The following PLD1 variants were observed in gnomAD, a reference collection of about 807,000 sequenced individuals.
The protein encoded by PLD1 is phospholipase D1.
PLD1 carries 112 observed loss-of-function variants against 137.1 expected under a neutral mutation model. The ratio of observed to expected loss-of-function variants is 0.82; its 90% CI spans 0.70 to 0.96. The LOEUF (loss-of-function observed/expected upper bound fraction) is 0.96, where lower values mean the gene tolerates loss of function less well. PLD1 is among the 40% of genes least tolerant of loss of function. The pLI is 0.00. For missense variants in PLD1, 1,321 were observed against 1,342.0 expected, an observed-to-expected ratio of 0.98 and a Z score of 0.24; for synonymous variants, 431 against 454.7, an observed-to-expected ratio of 0.95 and a Z score of 0.66.
chr3:171,753,426 C>T (rs997768724), intron 1 of PLD1, among the ~76,000 whole-genome samples: 3 of 152,224 alleles, frequency 2.0e-5, no homozygotes, highest in African/African-American at 7.2e-5. Context: ...ACCTTGCTTT[C>T]CAGTGCAGCC....
intron 1 of PLD1, among the ~76,000 whole-genome samples, chr3:171,778,271 G>A (rs759265191): frequency 1.3e-5 from 2 of 152,128 alleles, no homozygotes; most frequent in African/African-American, 2.4e-5. Flanking sequence ...CATTCAACAC[G>A]TACTTAGTGA....
At position 171,633,968 on chromosome 3, in the gene PLD1, C is replaced by T. The variant is rs564725219; in HGVS notation, c.2593+8872G>A. On this transcript the variant is annotated intron_variant, in intron 23 of 26. Transcript: ENST00000351298. ...TATTCATAGCAGCAGTTTTGTTATTCTAAATAATTAAAACAGTAGAGAACT... is the reference window on the plus strand; with the variant it reads ...TATTCATAGCAGCAGTTTTGTTATTTTAAATAATTAAAACAGTAGAGAACT... Among the ~76,000 whole-genome samples the T allele has an allele frequency of 7.2e-5, 11 of 152,164 alleles. No individual in the cohort carries two copies. In the East Asian group the frequency reaches 2.1e-3, roughly 29 times the overall value.
chr3:171,718,711 C>T (rs1167016433), intron 8 of PLD1, among the ~76,000 whole-genome samples: 2 of 152,112 alleles, frequency 1.3e-5, no homozygotes, highest in East Asian at 3.9e-4. Context: ...TTCCACCTGC[C>T]ACTCACTGCT....
intron 21 of PLD1, among the ~76,000 whole-genome samples, chr3:171,647,631 T>A (rs900995593): frequency 6.6e-6 from 1 of 152,022 alleles, no homozygotes. Flanking sequence ...GTACTTTTAG[T>A]AGAGACGGGG....
intron 24 of PLD1, among the ~76,000 whole-genome samples, chr3:171,614,142 C>A (rs1732900008): frequency 6.6e-6 from 1 of 152,132 alleles, no homozygotes; most frequent in Non-Finnish European, 1.5e-5. Context: ...TCTATGATGA[C>A]TATGGATGTG....
chr3:171,772,649 C>T (rs2108332534), intron 1 of PLD1, among the ~76,000 whole-genome samples: 1 of 152,260 alleles, frequency 6.6e-6, no homozygotes, highest in Non-Finnish European at 1.5e-5. Context: ...ACCCCACCTG[C>T]TGGCAAAACC....
chr3:171,764,999 A>G (rs1019082810), intron 1 of PLD1: 2 of 143,602 alleles, frequency 1.4e-5, no homozygotes, highest in African/African-American at 2.6e-5. Context: ...AGAAAGAAAG[A>G]AAGAAAGAGA....
At chr3:171,687,694 T>A (rs544041869) in intron 14 of PLD1, 110 bp from the exon 15 acceptor site, 2 of 695,402 alleles carry the variant, frequency 2.9e-6, no homozygotes, top group African/African-American at 3.6e-5. Flanking sequence ...GGAGGTTCTA[T>A]AACAGACATG....
At chr3:171,752,280 G>A (rs1720719349) in intron 1 of PLD1, among the ~76,000 whole-genome samples, 1 of 152,208 alleles carries the variant, frequency 6.6e-6, no homozygotes, top group Non-Finnish European at 1.5e-5. Flanking sequence ...TTGAGGAAAT[G>A]ATACACAATA....
intron 1 of PLD1, among the ~76,000 whole-genome samples, chr3:171,744,188 A>T (rs1719973578): frequency 6.6e-6 from 1 of 152,224 alleles, no homozygotes; most frequent in Non-Finnish European, 1.5e-5. Context: ...CATGAGGAGT[A>T]CTGTCATCAT....
chr3:171,780,176 G>C (rs1480450464), intron 1 of PLD1, among the ~76,000 whole-genome samples: 1 of 134,922 alleles, frequency 7.4e-6, no homozygotes, highest in Non-Finnish European at 1.5e-5. Flanking sequence ...ATATTAATCT[G>C]AGGACTGGGG....
intron 24 of PLD1, among the ~76,000 whole-genome samples, chr3:171,617,955 T>C (rs529544550): frequency 8.6e-4 from 131 of 152,244 alleles, no homozygotes; most frequent in Middle Eastern, 3.4e-3. Context: ...CTCTGAGAAT[T>C]TTAAACACTG....
At chr3:171,790,812 C>A (rs562001334) in intron 1 of PLD1, among the ~76,000 whole-genome samples, 1 of 152,322 alleles carries the variant, frequency 6.6e-6, no homozygotes, top group Admixed American at 6.5e-5. Flanking sequence ...CAGCTCCCAA[C>A]GGACTACTTC....
intron 1 of PLD1, among the ~76,000 whole-genome samples, chr3:171,777,431 T>C (rs552573229): frequency 1.2e-4 from 19 of 152,328 alleles, no homozygotes; most frequent in Middle Eastern, 3.4e-3. Flanking sequence ...GAACAAGCCC[T>C]TGATGATTTA....
At chr3:171,748,558 A>G (rs918262226) in intron 1 of PLD1, among the ~76,000 whole-genome samples, 1 of 152,126 alleles carries the variant, frequency 6.6e-6, no homozygotes, top group African/African-American at 2.4e-5. Flanking sequence ...GCAAACTCAC[A>G]TTGTAATCTC....
At chr3:171,664,000 C>T (rs1305837679) in intron 19 of PLD1, among the ~76,000 whole-genome samples, 2 of 152,072 alleles carry the variant, frequency 1.3e-5, no homozygotes, top group East Asian at 1.9e-4. Flanking sequence ...TACTAAAAAT[C>T]GCTGACTGTG....
intron 19 of PLD1, among the ~76,000 whole-genome samples, chr3:171,671,174 T>C (rs759425434): frequency 6.6e-5 from 10 of 152,228 alleles, no homozygotes; most frequent in Non-Finnish European, 7.3e-5. Flanking sequence ...ATGCATGTTA[T>C]TATATTTAGC....
At chr3:171,637,908 C>T (rs140849768) in intron 23 of PLD1, among the ~76,000 whole-genome samples, 12 of 151,998 alleles carry the variant, frequency 7.9e-5, no homozygotes, top group South Asian at 2.1e-4. Context: ...CAGCTGGGCA[C>T]GGTGGCTCAC....
intron 11 of PLD1, among the ~76,000 whole-genome samples, chr3:171,702,996 A>G (rs548657115): frequency 6.6e-6 from 1 of 152,332 alleles, no homozygotes; most frequent in Non-Finnish European, 1.5e-5. Flanking sequence ...TAGAAAAATA[A>G]TACTACATCA....
Sources: gnomAD v4.1 joint callset for allele counts (sites outside exome capture counted in the v4.1 genomes callset) on GRCh38, gnomAD v4.1.1 for gene constraint, MANE v1.5 for transcripts, NCBI Gene and HGNC (gene_info 2026-07-23, HGNC 2026-07-21) for gene names.